CDH12: variants seen among roughly 807,000 people sequenced by gnomAD.
The protein encoded by CDH12 is cadherin 12.
Under a neutral mutation model 74.1 loss-of-function variants are expected in CDH12, and 41 were observed. That is an observed-to-expected ratio of 0.55 (90% CI 0.43 to 0.72). CDH12 has a LOEUF of 0.72. Ranked by LOEUF, CDH12 falls within the 30% of genes least tolerant of loss-of-function variation. The pLI is 0.00. For synonymous variants in CDH12, 399 were observed against 355.0 expected (o/e 1.12, Z -1.39); for missense variants, 945 against 977.2 (o/e 0.97, Z 0.44).
chr5:22,809,458 T>A (rs1749018230), intron 1 of CDH12, among the ~76,000 whole-genome samples: 1 of 151,822 alleles, frequency 6.6e-6, no homozygotes, highest in South Asian at 2.1e-4. Flanking sequence ...GATACATTCC[T>A]TTCATAAAAT....
At chr5:21,986,627 G>A (rs1443205443) in intron 5 of CDH12, among the ~76,000 whole-genome samples, 1 of 152,044 alleles carries the variant, frequency 6.6e-6, no homozygotes, top group Non-Finnish European at 1.5e-5. Context: ...CAAATTTTCA[G>A]TAATGGAATC....
chr5:21,834,758 A>G (rs1247296408), intron 8 of CDH12, among the ~76,000 whole-genome samples: 1 of 151,952 alleles, frequency 6.6e-6, no homozygotes, highest in African/African-American at 2.4e-5. Flanking sequence ...AAACTTCTTT[A>G]TTAAATTATA....
intron 8 of CDH12, among the ~76,000 whole-genome samples, chr5:21,832,690 A>C (rs1749091202): frequency 6.8e-6 from 1 of 146,792 alleles, no homozygotes; most frequent in African/African-American, 2.5e-5. Flanking sequence ...TTAACTTATT[A>C]ACTTATTCAT....
At chr5:22,285,353 C>A (rs1044944172) in intron 3 of CDH12, among the ~76,000 whole-genome samples, 12 of 151,922 alleles carry the variant, frequency 7.9e-5, no homozygotes, top group African/African-American at 2.9e-4. Context: ...CTCTTAGTTC[C>A]CAGCTAAATT....
At chr5:22,183,698 T>C (rs1158018489) in intron 4 of CDH12, among the ~76,000 whole-genome samples, 1 of 152,180 alleles carries the variant, frequency 6.6e-6, no homozygotes, top group Non-Finnish European at 1.5e-5. Context: ...GTACTACTGC[T>C]AAGGATCAGC....
intron 5 of CDH12, among the ~76,000 whole-genome samples, chr5:22,040,074 C>A (rs1739462025): frequency 6.6e-6 from 1 of 151,640 alleles, no homozygotes; most frequent in African/African-American, 2.4e-5. Flanking sequence ...AAGGATAATT[C>A]AACAAAATCT....
At chr5:22,755,794 C>T (rs1335130933) in intron 1 of CDH12, among the ~76,000 whole-genome samples, 1 of 151,952 alleles carries the variant, frequency 6.6e-6, no homozygotes, top group Non-Finnish European at 1.5e-5. Context: ...GGTATATACT[C>T]ATTCACATAT....
chr5:22,745,103 C>A (rs908479752), intron 1 of CDH12, among the ~76,000 whole-genome samples: 1 of 151,368 alleles, frequency 6.6e-6, no homozygotes, highest in African/African-American at 2.4e-5. Flanking sequence ...ATAGTTATAC[C>A]ACAATGAAAC....
intron 2 of CDH12, among the ~76,000 whole-genome samples, chr5:22,462,920 C>T (rs1212681780): frequency 6.6e-6 from 1 of 151,992 alleles, no homozygotes; most frequent in Non-Finnish European, 1.5e-5. Context: ...TGACTAAAAT[C>T]CATGATGAAA....
chr5:21,761,275 T>C (rs941758289), intron 12 of CDH12, among the ~76,000 whole-genome samples: 1 of 152,148 alleles, frequency 6.6e-6, no homozygotes. Context: ...CTTCCATACG[T>C]TGTGTATCTT....
chr5:21,794,535 G>A (rs188874531), intron 10 of CDH12, among the ~76,000 whole-genome samples: 6 of 151,626 alleles, frequency 4.0e-5, no homozygotes, highest in Admixed American at 3.3e-4. Context: ...CCTTTTATTG[G>A]TTTGTTTGTT....
intron 3 of CDH12, among the ~76,000 whole-genome samples, chr5:22,280,032 G>T (rs1235855060): frequency 1.3e-5 from 2 of 152,096 alleles, no homozygotes; most frequent in African/African-American, 2.4e-5. Context: ...ATCCTCTCCA[G>T]CACCTGTTGT....
chr5:22,672,706 G>A (rs181386677), intron 1 of CDH12, among the ~76,000 whole-genome samples: 97 of 152,164 alleles, frequency 6.4e-4, no homozygotes, highest in African/African-American at 1.9e-3. Context: ...TAAGATAGGT[G>A]GATAAAGTTT....
intron 2 of CDH12, among the ~76,000 whole-genome samples, chr5:22,458,356 A>G (rs1745373892): frequency 6.6e-6 from 1 of 152,146 alleles, no homozygotes; most frequent in African/African-American, 2.4e-5. Context: ...TCCCATCCTA[A>G]AAAAACTCAT....
chr5:22,639,432 C>CTTT (rs10706075), intron 1 of CDH12, among the ~76,000 whole-genome samples: 2 of 115,604 alleles, frequency 1.7e-5, no homozygotes, highest in Middle Eastern at 4.8e-3. Context: ...TTTTCTTCTT[C>CTTT]TTTTTTTTTT....
At chr5:22,614,053 A>G (rs1239476519) in intron 1 of CDH12, among the ~76,000 whole-genome samples, 1 of 152,090 alleles carries the variant, frequency 6.6e-6, no homozygotes, top group Non-Finnish European at 1.5e-5. Flanking sequence ...TTTTTAAAGT[A>G]CAAAATTTAC....
intron 1 of CDH12, among the ~76,000 whole-genome samples, chr5:22,605,582 T>C (rs1349270383): frequency 2.0e-5 from 3 of 152,098 alleles, no homozygotes; most frequent in Non-Finnish European, 2.9e-5. Flanking sequence ...TGGGGAAGTG[T>C]GGTGGCCAAC....
intron 6 of CDH12, among the ~76,000 whole-genome samples, chr5:21,954,253 T>C (rs577783530): frequency 1.2e-3 from 178 of 152,028 alleles, no homozygotes; most frequent in African/African-American, 4.2e-3. Flanking sequence ...GGGATTTCTT[T>C]TTTTTTTTTA....
intron 4 of CDH12, among the ~76,000 whole-genome samples, chr5:22,206,674 C>T (rs1305496529): frequency 2.3e-5 from 2 of 86,844 alleles, no homozygotes; most frequent in Non-Finnish European, 2.1e-5. Flanking sequence ...TAATGGATTC[C>T]ACTGCAAAAA....
Sources: allele counts gnomAD v4.1 joint callset (sites outside exome capture counted in the v4.1 genomes callset), GRCh38; gene constraint gnomAD v4.1.1; transcripts MANE v1.5; gene names NCBI Gene and HGNC (gene_info 2026-07-23, HGNC 2026-07-21).